The following FBXO4 variants were observed in gnomAD, a reference collection of about 807,000 sequenced individuals.
The protein encoded by FBXO4 is F-box protein 4.
A neutral mutation model predicts 43.7 loss-of-function variants in FBXO4; 36 were observed. That is an observed-to-expected ratio of 0.82 (90% confidence interval 0.63 to 1.09). The LOEUF (loss-of-function observed/expected upper bound fraction) is 1.09. FBXO4 is among the 50% of genes least tolerant of loss of function. FBXO4 has a pLI of 0.00. For synonymous variants in FBXO4, 180 were observed against 165.6 expected, an observed-to-expected ratio of 1.09 and a Z score of -0.67; for missense variants, 435 against 474.1, an observed-to-expected ratio of 0.92 and a Z score of 0.77.
chr5:42,004,283 C>A, the FBXO4 span, among the ~76,000 whole-genome samples: 2 of 152,176 alleles, frequency 1.3e-5, no homozygotes, highest in South Asian at 4.1e-4. Flanking sequence ...ATTGTAATAT[C>A]TTTGGCAAAT....
At chr5:42,011,021 C>T in the FBXO4 span, among the ~76,000 whole-genome samples, 1 of 152,120 alleles carries the variant, frequency 6.6e-6, no homozygotes, top group Non-Finnish European at 1.5e-5. Flanking sequence ...TGCCATCCCT[C>T]CCCTAGCCCC....
the FBXO4 span, among the ~76,000 whole-genome samples, chr5:42,025,209 C>T: frequency 6.6e-6 from 1 of 151,834 alleles, no homozygotes; most frequent in Non-Finnish European, 1.5e-5. Flanking sequence ...ACATCATTAC[C>T]AACATTTATT....
chr5:42,015,412 T>C, the FBXO4 span, among the ~76,000 whole-genome samples: 1 of 152,222 alleles, frequency 6.6e-6, no homozygotes, highest in Non-Finnish European at 1.5e-5. Flanking sequence ...CAGACTGTTA[T>C]AATCGTTCAT....
At chr5:41,999,011 C>T in the FBXO4 span, among the ~76,000 whole-genome samples, 1 of 150,220 alleles carries the variant, frequency 6.7e-6, no homozygotes, top group African/African-American at 2.5e-5. Flanking sequence ...TTCCTTGGTT[C>T]ACATATGGTC....
At chr5:42,030,634 G>T in the FBXO4 span, among the ~76,000 whole-genome samples, 3 of 151,778 alleles carry the variant, frequency 2.0e-5, no homozygotes, top group East Asian at 5.9e-4. Flanking sequence ...AAGAGCTTCT[G>T]CACAGCAAAA....
At chr5:41,966,384 C>A in the FBXO4 span, among the ~76,000 whole-genome samples, 46 of 152,020 alleles carry the variant, frequency 3.0e-4, no homozygotes, top group African/African-American at 1.1e-3. Context: ...AAAACTTTAA[C>A]AATGAAGTTA....
At chr5:42,016,439 A>T in the FBXO4 span, among the ~76,000 whole-genome samples, 2 of 151,990 alleles carry the variant, frequency 1.3e-5, no homozygotes, top group East Asian at 3.8e-4. Flanking sequence ...CCACCATGGT[A>T]AGAGGCATAG....
the FBXO4 span, among the ~76,000 whole-genome samples, chr5:41,952,824 A>T: frequency 1.3e-5 from 2 of 151,968 alleles, no homozygotes; most frequent in African/African-American, 2.4e-5. Flanking sequence ...ATACCTGTCA[A>T]TTTTAAACAA....
At chr5:42,030,924 G>C in the FBXO4 span, among the ~76,000 whole-genome samples, 67 of 152,306 alleles carry the variant, frequency 4.4e-4, no homozygotes, top group African/African-American at 1.6e-3. Context: ...TCTCACACCA[G>C]TTAGAATGGC....
chr5:42,036,309 A>T, the FBXO4 span, among the ~76,000 whole-genome samples: 5 of 152,058 alleles, frequency 3.3e-5, no homozygotes, highest in Non-Finnish European at 7.4e-5. Flanking sequence ...GAAGTAGCAT[A>T]TTAGAATATG....
At chr5:42,017,477 G>A in the FBXO4 span, among the ~76,000 whole-genome samples, 1 of 150,460 alleles carries the variant, frequency 6.6e-6, no homozygotes, top group African/African-American at 2.4e-5. Flanking sequence ...GGAGGTACAT[G>A]TGCAGGTTTG....
At chr5:41,927,705 G>A (rs1751552661) in intron 2 of FBXO4, among the ~76,000 whole-genome samples, 1 of 152,180 alleles carries the variant, frequency 6.6e-6, no homozygotes, top group Non-Finnish European at 1.5e-5. Flanking sequence ...GATAATTAAT[G>A]TTACTGAGCA....
At chr5:41,958,974 A>T in the FBXO4 span, among the ~76,000 whole-genome samples, 1 of 152,214 alleles carries the variant, frequency 6.6e-6, no homozygotes, top group Non-Finnish European at 1.5e-5. Flanking sequence ...GAAACGCCAT[A>T]CTGGTTTTCA....
chr5:42,016,866 T>A, the FBXO4 span, among the ~76,000 whole-genome samples: 1 of 152,066 alleles, frequency 6.6e-6, no homozygotes, highest in Non-Finnish European at 1.5e-5. Context: ...GCAAACTTTG[T>A]TTTTTAACCT....
At chr5:41,925,735 G>C (rs1751468959) in intron 1 of FBXO4, among the ~76,000 whole-genome samples, 2 of 152,052 alleles carry the variant, frequency 1.3e-5, no homozygotes, top group South Asian at 4.1e-4. Context: ...CCTTCATGGG[G>C]CCCCTGGGGA....
Position 41,925,285 on chromosome 5 carries a change from G to A in FBXO4, c.-25G>A. On this transcript the variant is annotated 5_prime_UTR_variant, in exon 1 of 7. Transcript: ENST00000281623. Reference sequence around the variant, plus strand: ...TGACGCGCTAGCGTGGCTCTAAGACGCGTCACCCACGCTGCGGGCAAGCCA... The same window carrying A: ...TGACGCGCTAGCGTGGCTCTAAGACACGTCACCCACGCTGCGGGCAAGCCA... The A allele has an allele frequency of 7.6e-7, 1 of 1,318,280 alleles. No individual in the cohort carries two copies. The highest frequency in any genetic ancestry group is 9.7e-7 in the Non-Finnish European group (1 of 1,029,116). 81.7% of individuals were successfully genotyped at this position (1,318,280 alleles called of 1,614,324 possible).
the FBXO4 span, among the ~76,000 whole-genome samples, chr5:41,983,922 G>A: frequency 6.6e-6 from 1 of 151,846 alleles, no homozygotes; most frequent in Non-Finnish European, 1.5e-5. Flanking sequence ...GAGTCCCCAT[G>A]GTGTAAATCT....
the FBXO4 span, among the ~76,000 whole-genome samples, chr5:42,022,229 A>G: frequency 6.6e-6 from 1 of 152,130 alleles, no homozygotes; most frequent in African/African-American, 2.4e-5. Flanking sequence ...TGGAATTTCT[A>G]AGCAAATAGA....
chr5:41,983,278 A>G, the FBXO4 span, among the ~76,000 whole-genome samples: 10 of 152,202 alleles, frequency 6.6e-5, no homozygotes, highest in Non-Finnish European at 8.8e-5. Flanking sequence ...TATTGTCTAT[A>G]TGATACAAAT....
Sources: gnomAD v4.1 joint callset for allele counts (sites outside exome capture counted in the v4.1 genomes callset) on GRCh38, gnomAD v4.1.1 for gene constraint, MANE v1.5 for transcripts, NCBI Gene and HGNC (gene_info 2026-07-23, HGNC 2026-07-21) for gene names.